SNTB2: variants seen among roughly 807,000 people sequenced by gnomAD.
SNTB2 encodes the protein beta-2-syntrophin.
Under a neutral mutation model 46.2 loss-of-function variants are expected in SNTB2, and 34 were observed. The observed-to-expected ratio is 0.74, with a 90% CI of 0.56 to 0.98. The LOEUF (loss-of-function observed/expected upper bound fraction) is 0.98, where lower values mean the gene tolerates loss of function less well. SNTB2 is among the 50% of genes least tolerant of loss of function. The pLI, the probability that SNTB2 is intolerant of heterozygous loss-of-function variation, is 0.00. For synonymous variants in SNTB2, 290 were observed against 312.6 expected (o/e 0.93, Z 0.76); for missense variants, 603 against 731.4 (o/e 0.82, Z 2.02).
intron 1 of SNTB2, among the ~76,000 whole-genome samples, chr16:69,188,379 C>G (rs562258162): frequency 6.6e-6 from 1 of 152,318 alleles, no homozygotes; most frequent in Non-Finnish European, 1.5e-5. Flanking sequence ...AGTTTTGCCC[C>G]TTTTGCAAGT....
rs374675367 is a variant in SNTB2, at chr16:69,213,014, TAGTAG to T, written c.580+25273_580+25277del. Among the ~76,000 whole-genome samples the T allele has an allele frequency of 3.2e-4, 48 of 152,350 alleles. 1 individual carries two copies. The South Asian group carries it at 9.3e-3, about 30-fold the overall frequency. On this transcript the variant is annotated intron_variant, in intron 1 of 6. Transcript: ENST00000336278. Reference sequence around the variant, plus strand: ...TACTGAGTCATAATTATTTATTCATTAGTAGAGTATAGTAATGGTTACATGCTTGA... The same window carrying T: ...TACTGAGTCATAATTATTTATTCATTAGTATAGTAATGGTTACATGCTTGA...
intron 1 of SNTB2, among the ~76,000 whole-genome samples, chr16:69,207,136 C>A (rs1041956891): frequency 7.2e-6 from 1 of 139,540 alleles, no homozygotes; most frequent in Non-Finnish European, 1.5e-5. Context: ...TTTTCCTTTT[C>A]TTTTCTTTTC....
intron 1 of SNTB2, among the ~76,000 whole-genome samples, chr16:69,224,325 C>T (rs1249009419): frequency 2.7e-5 from 4 of 150,790 alleles, no homozygotes; most frequent in Non-Finnish European, 5.9e-5. Context: ...GATTCTCCTG[C>T]CTCAGCCTCC....
intron 5 of SNTB2, among the ~76,000 whole-genome samples, chr16:69,292,383 A>AT (rs1965173089): frequency 1.2e-4 from 2 of 16,544 alleles, no homozygotes; most frequent in East Asian, 3.4e-3. Context: ...TATATATTAT[A>AT]TATATATTAT....
intron 3 of SNTB2, among the ~76,000 whole-genome samples, chr16:69,261,839 T>C (rs1266028288): frequency 2.0e-5 from 3 of 152,346 alleles, no homozygotes; most frequent in South Asian, 2.1e-4. Context: ...CCACCTGTTA[T>C]GCCTTTTGCC....
At chr16:69,265,756 GGC>G (rs1964877875) in intron 3 of SNTB2, among the ~76,000 whole-genome samples, 1 of 151,578 alleles carries the variant, frequency 6.6e-6, no homozygotes, top group African/African-American at 2.4e-5. Context: ...GAACCTGGGA[GGC>G]AGAGGTTGCA....
chr16:69,259,695 C>T (rs955130946), intron 2 of SNTB2, among the ~76,000 whole-genome samples: 2 of 151,166 alleles, frequency 1.3e-5, no homozygotes, highest in African/African-American at 4.9e-5. Flanking sequence ...CCTCCGCCTC[C>T]TGGGGTCAAG....
intron 2 of SNTB2, among the ~76,000 whole-genome samples, chr16:69,250,088 T>C (rs9929748): frequency 1.3e-5 from 2 of 151,992 alleles, no homozygotes; most frequent in African/African-American, 4.8e-5. Flanking sequence ...CAAAAAAAAA[T>C]TTTTAAAAAT....
intron 4 of SNTB2, among the ~76,000 whole-genome samples, chr16:69,270,950 A>G (rs948675186): frequency 3.3e-5 from 5 of 152,358 alleles, no homozygotes; most frequent in African/African-American, 1.2e-4. Flanking sequence ...ATATAACTCA[A>G]AAACTACACA....
chr16:69,251,805 G>T (rs1267931777), intron 2 of SNTB2, among the ~76,000 whole-genome samples: 1 of 152,096 alleles, frequency 6.6e-6, no homozygotes, highest in Non-Finnish European at 1.5e-5. Context: ...AAACTGCCAG[G>T]CTGGGCACAG....
rs1055857697 is a variant in SNTB2 at position 69,308,058 on chromosome 16, A to G, written c.*7134A>G. On this transcript the variant is annotated 3_prime_UTR_variant, in exon 7 of 7. Coordinates refer to ENST00000336278, the MANE Select transcript of SNTB2 (RefSeq NM_006750.4). Reference sequence around the variant, plus strand: ...ATCAGTGATTGGAATGGCACAGGAAACCGAATCACATGGGTGCCCTCCCCT... The same window carrying G: ...ATCAGTGATTGGAATGGCACAGGAAGCCGAATCACATGGGTGCCCTCCCCT... 6.6e-6 allele frequency: 1 copy of G among 152,578 alleles called. No homozygotes were observed. Among genetic ancestry groups the G allele is most frequent in the Admixed American group, 6.5e-5 (1 of 15,284 alleles). The allele number at this position is 152,578 out of a possible 1,614,324, so 9.5% of individuals were successfully genotyped here. A position where few individuals can be genotyped will look rare whatever the true frequency, so the allele number is the denominator to read the frequency against.
Position 69,300,930 on chromosome 16 carries a change from A to C in SNTB2, c.*6A>C. The C allele has an allele frequency of 6.4e-7, 1 of 1,564,410 alleles. No individual in the cohort carries two copies. Among genetic ancestry groups the C allele is most frequent in the Non-Finnish European group, 8.8e-7 (1 of 1,136,030 alleles). On this transcript the variant is annotated 3_prime_UTR_variant, in exon 7 of 7. Transcript: ENST00000336278. The stretch of plus-strand genomic sequence containing the variant: ...GTATGGGACTGCTTGTATGAGCAAC[A>C]AAAAATCAGAAAAGAGCCTTGACTG...
chr16:69,224,413 A>G (rs1367175219), intron 1 of SNTB2, among the ~76,000 whole-genome samples: 1 of 151,846 alleles, frequency 6.6e-6, no homozygotes, highest in African/African-American at 2.4e-5. Flanking sequence ...GGGTTTCACC[A>G]TGTTGGCCAG....
At chr16:69,224,902 G>T (rs1019293878) in intron 1 of SNTB2, among the ~76,000 whole-genome samples, 2 of 152,180 alleles carry the variant, frequency 1.3e-5, no homozygotes, top group African/African-American at 4.8e-5. Flanking sequence ...TAAAGTTACA[G>T]TATGTGGGTT....
At chr16:69,276,669 C>T (rs1964987922) in intron 4 of SNTB2, among the ~76,000 whole-genome samples, 1 of 152,156 alleles carries the variant, frequency 6.6e-6, no homozygotes, top group Admixed American at 6.6e-5. Flanking sequence ...TGGACCTCTG[C>T]GGATCCCCTT....
intron 4 of SNTB2, among the ~76,000 whole-genome samples, chr16:69,278,304 A>C (rs1365616969): frequency 6.6e-6 from 1 of 152,170 alleles, no homozygotes; most frequent in African/African-American, 2.4e-5. Context: ...GGACAGAGTG[A>C]GACCCTGTCT....
intron 4 of SNTB2, among the ~76,000 whole-genome samples, chr16:69,272,987 A>G (rs1964953123): frequency 6.6e-6 from 1 of 152,158 alleles, no homozygotes; most frequent in African/African-American, 2.4e-5. Context: ...GAAGATGTTC[A>G]GCATCCTTAG....
chr16:69,263,106 T>C (rs967311877), intron 3 of SNTB2, among the ~76,000 whole-genome samples: 1 of 151,092 alleles, frequency 6.6e-6, no homozygotes, highest in Non-Finnish European at 1.5e-5. Context: ...CATTCCACTC[T>C]ACTTTTTTTT....
chr16:69,187,436 C>T lies in SNTB2; in HGVS notation c.270C>T (p.Gly90=). Residue 90 remains glycine (G), a synonymous_variant, in exon 1 of 7, where the codon GGC becomes GGT. Coordinates refer to ENST00000336278, the MANE Select transcript of SNTB2 (RefSeq NM_006750.4). ...GDSLPGSPSR[G]LGPPSPPAPP... is the part of the protein sequence containing the mutation. ...CGCTGCCCGGGAGCCCAAGCCGCGGCCTGGGGCCCCCGAGCCCGCCGGCGC... is the reference window on the plus strand; with the variant it reads ...CGCTGCCCGGGAGCCCAAGCCGCGGTCTGGGGCCCCCGAGCCCGCCGGCGC... 2 of 1,170,886 alleles carry T rather than the reference C, an allele frequency of 1.7e-6. No homozygotes were observed. The highest frequency in any genetic ancestry group is 1.1e-6 in the Non-Finnish European group (1 of 949,716). 72.5% of individuals were successfully genotyped at this position (1,170,886 alleles called of 1,614,324 possible).
Sources: gnomAD v4.1 joint callset for allele counts (sites outside exome capture counted in the v4.1 genomes callset) on GRCh38, gnomAD v4.1.1 for gene constraint, MANE v1.5 for transcripts, NCBI Gene and HGNC (gene_info 2026-07-23, HGNC 2026-07-21) for gene names.